Variants in TRPM6 observed in about 807,000 individuals in gnomAD.
TRPM6 encodes transient receptor potential cation channel subfamily M member 6.
In TRPM6, 111 loss-of-function variants were observed where a neutral mutation model predicts 247.6. The observed-to-expected ratio is 0.45, with a 90% CI of 0.38 to 0.52. TRPM6 has a LOEUF of 0.52. Ranked by LOEUF, TRPM6 falls within the 20% of genes least tolerant of loss-of-function variation. The pLI, the probability that TRPM6 is intolerant of heterozygous loss-of-function variation, is 0.00. For missense variants in TRPM6, 2,126 were observed against 2,421.5 expected (o/e 0.88, Z 2.56); for synonymous variants, 892 against 853.8 (o/e 1.04, Z -0.78).
chr9:74,822,248 CTTAT>C (rs1182770565), intron 7 of TRPM6, among the ~76,000 whole-genome samples: 2 of 152,022 alleles, frequency 1.3e-5, no homozygotes, highest in African/African-American at 4.8e-5. Flanking sequence ...TTAATTATTA[CTTAT>C]TTATTTATTT....
intron 29 of TRPM6, 43 bp from the exon 30 acceptor site, chr9:74,750,765 T>C (rs1320364942): frequency 6.3e-7 from 1 of 1,579,240 alleles, no homozygotes; most frequent in Non-Finnish European, 8.7e-7. Flanking sequence ...CTCAACATAG[T>C]CCCACCCCAA....
intron 1 of TRPM6, among the ~76,000 whole-genome samples, chr9:74,886,153 T>A (rs1232205322): frequency 6.6e-6 from 1 of 152,178 alleles, no homozygotes; most frequent in Non-Finnish European, 1.5e-5. Flanking sequence ...CATGCCCTTG[T>A]CTATCAAGAC....
intron 27 of TRPM6, among the ~76,000 whole-genome samples, chr9:74,757,159 C>T (rs1826454143): frequency 6.6e-6 from 1 of 151,550 alleles, no homozygotes; most frequent in African/African-American, 2.4e-5. Context: ...GCCTACACGA[C>T]AGAGAAAGAC....
At chr9:74,858,315 A>G (rs1272192935) in intron 2 of TRPM6, among the ~76,000 whole-genome samples, 3 of 152,260 alleles carry the variant, frequency 2.0e-5, no homozygotes, top group Non-Finnish European at 2.9e-5. Context: ...TGAACCCAGG[A>G]GGTGGAGGTT....
intron 1 of TRPM6, among the ~76,000 whole-genome samples, chr9:74,868,656 T>C (rs1421058837): frequency 6.6e-6 from 1 of 152,174 alleles, no homozygotes; most frequent in Non-Finnish European, 1.5e-5. Context: ...CTTCTGCCTG[T>C]AGATACTTGA....
intron 36 of TRPM6, among the ~76,000 whole-genome samples, chr9:74,735,639 A>T (rs558810597): frequency 1.3e-4 from 20 of 152,182 alleles, no homozygotes; most frequent in Non-Finnish European, 7.3e-5. Flanking sequence ...AATGCTATAA[A>T]CCACTGTAAT....
intron 38 of TRPM6, among the ~76,000 whole-genome samples, chr9:74,725,360 G>A (rs1480085623): frequency 6.6e-6 from 1 of 152,040 alleles, no homozygotes; most frequent in African/African-American, 2.4e-5. Flanking sequence ...CCTAGAACAT[G>A]TATTTCTTAT....
intron 3 of TRPM6, among the ~76,000 whole-genome samples, chr9:74,855,079 AC>A (rs1000565016): frequency 6.6e-6 from 1 of 151,280 alleles, no homozygotes. Context: ...CCTTCTACTT[AC>A]AAAAGAGAAA....
intron 3 of TRPM6, among the ~76,000 whole-genome samples, chr9:74,846,489 G>A (rs1467555238): frequency 1.3e-5 from 2 of 152,076 alleles, no homozygotes; most frequent in African/African-American, 4.8e-5. Context: ...AATTAGATAG[G>A]TATAGCAGGA....
At chr9:74,818,121 G>T (rs570158442) in intron 9 of TRPM6, among the ~76,000 whole-genome samples, 3 of 151,932 alleles carry the variant, frequency 2.0e-5, no homozygotes, top group Admixed American at 2.0e-4. Flanking sequence ...TGACCCTCTT[G>T]GTCATTACAT....
intron 20 of TRPM6, among the ~76,000 whole-genome samples, chr9:74,786,795 G>A (rs548885558): frequency 4.4e-4 from 67 of 152,250 alleles, no homozygotes; most frequent in East Asian, 5.8e-4. Context: ...GTATAGCTAC[G>A]ATTTCATTTC....
chr9:74,842,682 G>A (rs1829982706), intron 3 of TRPM6, among the ~76,000 whole-genome samples: 1 of 152,200 alleles, frequency 6.6e-6, no homozygotes, highest in Admixed American at 6.5e-5. Context: ...AATGCATATA[G>A]TAGTTATGCT....
At position 74,739,464 on chromosome 9, in the gene TRPM6, G is replaced by A. The variant is rs1277812264; in HGVS notation, c.5488-15C>T. 1.2e-6 allele frequency: 2 copies of A among 1,609,714 alleles called. No homozygotes were observed. The highest frequency in any genetic ancestry group is 1.7e-6 in the Non-Finnish European group (2 of 1,176,068). On this transcript the variant is annotated splice_polypyrimidine_tract_variant and intron_variant, in intron 34 of 38. Coordinates refer to ENST00000360774, the MANE Select transcript of TRPM6 (RefSeq NM_017662.5). ...TGTTGAATTTCCTACAAAATAGGGA[G>A]CACTGATAAAAATACTGATTTACTG...
chr9:74,751,447 T>C (rs963291426), intron 29 of TRPM6, among the ~76,000 whole-genome samples: 7 of 152,224 alleles, frequency 4.6e-5, no homozygotes, highest in Admixed American at 4.6e-4. Flanking sequence ...TACCCTCAAG[T>C]AGTCTGACAC....
intron 27 of TRPM6, among the ~76,000 whole-genome samples, chr9:74,756,893 A>T (rs1483790087): frequency 6.6e-6 from 1 of 151,854 alleles, no homozygotes; most frequent in Admixed American, 6.6e-5. Flanking sequence ...CAATGACCAA[A>T]GTTTCTACCT....
At chr9:74,776,143 T>C (rs1587492699) in intron 23 of TRPM6, 67 bp from the exon 24 acceptor site, 1 of 1,389,008 alleles carries the variant, frequency 7.2e-7, no homozygotes, top group Non-Finnish European at 1.0e-6. Flanking sequence ...AGAGTCTATA[T>C]TTTCCAACAT....
intron 12 of TRPM6, among the ~76,000 whole-genome samples, chr9:74,811,269 A>C (rs1220880751): frequency 1.3e-5 from 2 of 152,220 alleles, no homozygotes; most frequent in Non-Finnish European, 2.9e-5. Flanking sequence ...TGGAGTGTTT[A>C]TAATAATAGA....
chr9:74,836,027 C>T (rs958738681), intron 5 of TRPM6, among the ~76,000 whole-genome samples: 4 of 152,144 alleles, frequency 2.6e-5, no homozygotes, highest in African/African-American at 9.7e-5. Flanking sequence ...TTCACTCTTG[C>T]TGCTGTACAT....
At chr9:74,813,329 G>A (rs1221365137) in intron 11 of TRPM6, among the ~76,000 whole-genome samples, 3 of 152,236 alleles carry the variant, frequency 2.0e-5, no homozygotes, top group Non-Finnish European at 4.4e-5. Flanking sequence ...GCAGTCACCA[G>A]AAAGCCAAAT....
Sources: allele counts gnomAD v4.1 joint callset (sites outside exome capture counted in the v4.1 genomes callset), GRCh38; gene constraint gnomAD v4.1.1; transcripts MANE v1.5; gene names NCBI Gene and HGNC (gene_info 2026-07-23, HGNC 2026-07-21).